Variants in LAMA4 observed in about 807,000 individuals in gnomAD.
LAMA4 encodes laminin subunit alpha-4.
Under a neutral mutation model 207.1 loss-of-function variants are expected in LAMA4, and 127 were observed. The ratio of observed to expected loss-of-function variants is 0.61; its 90% confidence interval spans 0.53 to 0.71. The LOEUF (loss-of-function observed/expected upper bound fraction) is 0.71, where lower values mean the gene tolerates loss of function less well. LAMA4 is among the 30% of genes least tolerant of loss of function. The pLI, the probability that LAMA4 is intolerant of heterozygous loss-of-function variation, is 0.00. For missense variants in LAMA4, 2,093 were observed against 2,246.5 expected, an observed-to-expected ratio of 0.93 and a Z score of 1.38; for synonymous variants, 761 against 816.0, an observed-to-expected ratio of 0.93 and a Z score of 1.15.
At position 112,139,154 on chromosome 6, in the gene LAMA4, G is replaced by A. The variant is rs561609017; in HGVS notation, c.3248C>T (p.Ala1083Val). Residue 1083 changes from alanine (A) to valine (V), a missense_variant, in exon 24 of 39, where the codon GCT becomes GTT. By Grantham distance (64) the Ala-to-Val change is moderately conservative. Coordinates refer to ENST00000230538, the MANE Select transcript of LAMA4 (RefSeq NM_001105206.3). ...TRFDIEVRTP[A>V]DNGLILLMVN... The stretch of plus-strand genomic sequence containing the variant: ...CATCAGGAGAATAAGGCCGTTGTCA[G>A]CTGGTGTTCGAACTTCTATGTCAAA... The A allele has an allele frequency of 6.2e-7, 1 of 1,614,142 alleles. No individual in the cohort carries two copies. The highest frequency in any genetic ancestry group is 2.2e-5 in the East Asian group (1 of 44,874).
At chr6:112,179,693 G>C (rs1782231883) in intron 9 of LAMA4, 1 of 218,144 alleles carries the variant, frequency 4.6e-6, no homozygotes, top group Non-Finnish European at 9.4e-6. Flanking sequence ...AATAACCCAA[G>C]CAAGTGGCCC....
At chr6:112,190,939 CT>C (rs1188045214) in intron 6 of LAMA4, among the ~76,000 whole-genome samples, 2 of 45,974 alleles carry the variant, frequency 4.4e-5, no homozygotes, top group African/African-American at 2.0e-4. Context: ...TTCTTTCTTT[CT>C]TTCTTTCCTT....
chr6:112,180,398 C>T (rs1782287035), intron 9 of LAMA4, among the ~76,000 whole-genome samples: 1 of 152,130 alleles, frequency 6.6e-6, no homozygotes, highest in South Asian at 2.1e-4. Flanking sequence ...TGTAAGATGA[C>T]TGAATTGAAC....
intron 9 of LAMA4, among the ~76,000 whole-genome samples, chr6:112,180,853 G>A (rs1358119250): frequency 6.6e-6 from 1 of 152,186 alleles, no homozygotes; most frequent in African/African-American, 2.4e-5. Flanking sequence ...AATTTGTACA[G>A]TAATATCTAC....
At chr6:112,135,976 A>T in intron 25 of LAMA4, 147 bp downstream of exon 25, 4 of 692,784 alleles carry the variant, frequency 5.8e-6, no homozygotes, top group Non-Finnish European at 7.6e-6. Flanking sequence ...TAGGGTTGAG[A>T]AGATGAGGGT....
chr6:112,131,245 C>T, intron 28 of LAMA4, 144 bp from the exon 29 acceptor site: 1 of 742,538 alleles, frequency 1.3e-6, no homozygotes, highest in Non-Finnish European at 2.4e-6. Context: ...TAAATAACAA[C>T]CAAGAATACC....
chr6:112,137,001 C>T (rs1779392841), intron 24 of LAMA4, among the ~76,000 whole-genome samples: 1 of 152,000 alleles, frequency 6.6e-6, no homozygotes. Context: ...TCAAGGTATA[C>T]TGAAAAGAAT....
chr6:112,234,304 A>G (rs567850307), intron 2 of LAMA4: 2 of 152,280 alleles, frequency 1.3e-5, no homozygotes, highest in African/African-American at 4.8e-5. Context: ...GAATGAAAAC[A>G]AGAACCTGGT....
intron 15 of LAMA4, chr6:112,155,251 A>G (rs782679968): frequency 4.6e-5 from 26 of 563,124 alleles, no homozygotes; most frequent in Non-Finnish European, 7.5e-5. Context: ...TGAAAAAAAT[A>G]TAAATGAATG....
rs1371242040 is a variant in LAMA4, at chr6:112,117,296, T to A, written c.4981+443A>T. 1.3e-5 allele frequency among the ~76,000 whole-genome samples: 2 copies of A among 152,044 alleles called. No individual in the cohort carries two copies. The highest frequency in any genetic ancestry group is 3.9e-4 in the East Asian group (2 of 5,178). On this transcript the variant is annotated intron_variant, in intron 35 of 38. Transcript: ENST00000230538. The surrounding 1 kb of genome is among the most constrained non-coding windows in gnomAD (Gnocchi z 4.5). ...GTGAGGGAGTAATGGTCAAGGAGAA[T>A]AATAAAAAGCCAGAAATAAAAATTT...
chr6:112,184,438 C>T (rs1018541282), intron 9 of LAMA4, among the ~76,000 whole-genome samples: 3 of 151,944 alleles, frequency 2.0e-5, no homozygotes, highest in African/African-American at 7.2e-5. Flanking sequence ...TAGGCTGTTG[C>T]GGAGTGCGTT....
intron 29 of LAMA4, among the ~76,000 whole-genome samples, chr6:112,130,558 TA>T (rs1554329400): frequency 6.6e-6 from 1 of 152,072 alleles, no homozygotes; most frequent in Non-Finnish European, 1.5e-5. Context: ...CAGTATTATC[TA>T]TTTTAAAGAT....
chr6:112,152,860 T>C (rs1780479444), intron 16 of LAMA4, among the ~76,000 whole-genome samples: 1 of 152,018 alleles, frequency 6.6e-6, no homozygotes, highest in South Asian at 2.1e-4. Context: ...CCAAACATTA[T>C]AATACAAACA....
intron 14 of LAMA4, among the ~76,000 whole-genome samples, chr6:112,157,415 G>A (rs1217387599): frequency 1.3e-5 from 2 of 152,044 alleles, no homozygotes; most frequent in Non-Finnish European, 2.9e-5. Context: ...ATCTTTGTTC[G>A]AGCATAGCAC....
At chr6:112,241,172 A>AATAT (rs61692382) in intron 2 of LAMA4, among the ~76,000 whole-genome samples, 1 of 89,404 alleles carries the variant, frequency 1.1e-5, no homozygotes, top group Non-Finnish European at 2.3e-5. Context: ...AATATATATG[A>AATAT]ATATATATGA....
chr6:112,134,464 T>A lies in LAMA4; in HGVS notation c.3557+3A>T, dbSNP rs1554330832. 1 of 1,613,458 alleles carries A rather than the reference T, an allele frequency of 6.2e-7. No individual in the cohort carries two copies. Among genetic ancestry groups the A allele is most frequent in the South Asian group, 1.1e-5 (1 of 91,068 alleles). On this transcript the variant is annotated splice_donor_region_variant and intron_variant, in intron 26 of 38. Transcript: ENST00000230538. ...CAAACAGCTACTTAACAAAAAGCCT[T>A]ACCTGGATTGTAAGATTTCTGGAGG...
rs147883887 is a variant in LAMA4 at position 112,147,762 on chromosome 6, C to A, written c.2353+395G>T. 7.2e-3 allele frequency among the ~76,000 whole-genome samples: 1,093 copies of A among 152,240 alleles called. 9 individuals are homozygous for A. Among genetic ancestry groups the A allele is most frequent in the African/African-American group, 0.024 (1,006 of 41,534 alleles). On this transcript the variant is annotated intron_variant, in intron 18 of 38. Transcript: ENST00000230538. ...CTCAGATAAAGAAAAAGCAATGTTG[C>A]CTAGTAGAAGCAATGCCATTTAGTA...
At chr6:112,168,457 T>C (rs1019247796) in intron 12 of LAMA4, among the ~76,000 whole-genome samples, 3 of 151,008 alleles carry the variant, frequency 2.0e-5, no homozygotes, top group Non-Finnish European at 4.4e-5. Context: ...GCAATTCTCC[T>C]GTCTCAGCCT....
intron 8 of LAMA4, among the ~76,000 whole-genome samples, chr6:112,185,657 C>T (rs1489651706): frequency 6.6e-6 from 1 of 152,056 alleles, no homozygotes; most frequent in Non-Finnish European, 1.5e-5. Flanking sequence ...TGGTGGTGGC[C>T]CTGGGTGTCT....
Sources: allele counts gnomAD v4.1 joint callset (sites outside exome capture counted in the v4.1 genomes callset), GRCh38; gene constraint gnomAD v4.1.1; non-coding constraint Gnocchi (gnomAD v3.1); transcripts MANE v1.5; gene names NCBI Gene and HGNC (gene_info 2026-07-23, HGNC 2026-07-21).